The following CNIH4 variants were observed in gnomAD, a reference collection of about 807,000 sequenced individuals.
CNIH4 encodes the protein protein cornichon homolog 4.
A neutral mutation model predicts 21.5 loss-of-function variants in CNIH4; 9 were observed. That is an observed-to-expected ratio of 0.42 (90% CI 0.25 to 0.73). CNIH4 has a LOEUF of 0.73. CNIH4 is among the 30% of genes least tolerant of loss of function. The probability of loss-of-function intolerance (pLI) is 0.27; values close to 1 mark genes in which losing one functional copy is unlikely to be tolerated. For missense variants in CNIH4, 159 were observed against 170.0 expected, an observed-to-expected ratio of 0.94 and a Z score of 0.36; for synonymous variants, 67 against 59.1, an observed-to-expected ratio of 1.13 and a Z score of -0.61.
intron 2 of CNIH4, among the ~76,000 whole-genome samples, chr1:224,361,114 ATT>A (rs34687621): frequency 1.2e-4 from 15 of 128,864 alleles, no homozygotes; most frequent in South Asian, 2.5e-4. Context: ...TGCCTGGCTA[ATT>A]TTTTTTTTTT....
intron 1 of CNIH4, among the ~76,000 whole-genome samples, chr1:224,358,289 G>A (rs1053271116): frequency 6.6e-6 from 1 of 152,246 alleles, no homozygotes; most frequent in Non-Finnish European, 1.5e-5. Context: ...CTAATGTTCA[G>A]TAAATATTGC....
chr1:224,364,477 C>T (rs1166259106), intron 2 of CNIH4: 8 of 686,346 alleles, frequency 1.2e-5, no homozygotes, highest in Non-Finnish European at 1.4e-5. Flanking sequence ...GTGTATTTTA[C>T]AGATGAAAAC....
rs547373468 is a variant in CNIH4 at position 224,378,875 on chromosome 1, C to T, written c.*3053C>T. On this transcript the variant is annotated 3_prime_UTR_variant, in exon 5 of 5. Transcript: ENST00000465271. ...CATCTGAATGCTGAGGCCTAGAGAT[C>T]GTTCAGGGTGTTGTAACTGGGAACA... 3.6e-5 allele frequency: 19 copies of T among 523,856 alleles called. No individual in the cohort carries two copies. Among genetic ancestry groups the T allele is most frequent in the African/African-American group, 1.2e-4 (6 of 50,806 alleles). 32.5% of individuals were successfully genotyped at this position (523,856 alleles called of 1,614,324 possible). A position where few individuals can be genotyped will look rare whatever the true frequency, so the allele number is the denominator to read the frequency against.
At chr1:224,357,930 A>G (rs1219913789) in intron 1 of CNIH4, among the ~76,000 whole-genome samples, 1 of 152,236 alleles carries the variant, frequency 6.6e-6, no homozygotes, top group Non-Finnish European at 1.5e-5. Context: ...AAGTAATTAA[A>G]TATAAGAAAA....
At chr1:224,369,752 T>C (rs924001245) in intron 3 of CNIH4, among the ~76,000 whole-genome samples, 3 of 150,724 alleles carry the variant, frequency 2.0e-5, no homozygotes, top group Non-Finnish European at 4.4e-5. Context: ...TCTTGGCTCA[T>C]TGCAACCTCC....
Position 224,365,917 on chromosome 1 carries a change from T to G in CNIH4, c.177T>G (p.Thr59=). The G allele has an allele frequency of 6.2e-7, 1 of 1,613,062 alleles. No homozygotes were observed. The highest frequency in any genetic ancestry group is 8.5e-7 in the Non-Finnish European group (1 of 1,178,944). Residue 59 remains threonine (T), a synonymous_variant, in exon 3 of 5, where the codon ACT becomes ACG. Transcript: ENST00000465271. ...IPELIGHTIV[T]VLLLMSLHWF... is the part of the protein sequence containing the mutation. ...AATTGATTGGCCATACCATTGTCAC[T>G]GTATTACTGCTCATGTCATTGCACT...
Position 224,379,390 on chromosome 1 carries a change from T to C in CNIH4, c.*3568T>C, listed in dbSNP as rs1033962398. The C allele has an allele frequency of 1.2e-5, 5 of 411,850 alleles. No homozygotes were observed. The highest frequency in any genetic ancestry group is 2.0e-5 in the African/African-American group (1 of 49,468). 25.5% of individuals were successfully genotyped at this position (411,850 alleles called of 1,614,324 possible). ...CATATTTGTATCTTCTTCCTTCTGCTCTTGGCACCTAACACAGTGCCTTGC... is the reference window on the plus strand; with the variant it reads ...CATATTTGTATCTTCTTCCTTCTGCCCTTGGCACCTAACACAGTGCCTTGC... On this transcript the variant is annotated 3_prime_UTR_variant, in exon 5 of 5. Coordinates refer to ENST00000465271, the MANE Select transcript of CNIH4 (RefSeq NM_014184.4).
chr1:224,371,510 C>T (rs1672627888), intron 4 of CNIH4, 87 bp downstream of exon 4: 3 of 1,298,090 alleles, frequency 2.3e-6, no homozygotes, highest in Admixed American at 4.5e-5. Flanking sequence ...TTTGCATTGA[C>T]ATTGTGGAAC....
At chr1:224,356,824 A>T, upstream of CNIH4, 1 of 952,606 alleles carries the variant, frequency 1.0e-6, no homozygotes, top group East Asian at 2.6e-5. Flanking sequence ...CCAGGATTCG[A>T]GGACCACACG....
In CNIH4 at chr1:224,371,333, TA is replaced by T. The variant is rs1237525173; in HGVS notation, c.303del (p.His102ThrfsTer6). The T allele has an allele frequency of 6.2e-7, 1 of 1,614,072 alleles. No individual in the cohort carries two copies. Among genetic ancestry groups the T allele is most frequent in the Non-Finnish European group, 8.5e-7 (1 of 1,179,960 alleles). On this transcript the variant is annotated frameshift_variant, in exon 4 of 5. Coordinates refer to ENST00000465271, the MANE Select transcript of CNIH4 (RefSeq NM_014184.4). LOFTEE classifies it high-confidence loss of function. ...GNMGVFDPTE[I>X]HNRGQLKSHM... Reference sequence around the variant, plus strand: ...ATGGGAGTGTTTGATCCAACAGAAATACACAATCGAGGGCAGCTGAAGTCAC... The same window carrying T: ...ATGGGAGTGTTTGATCCAACAGAAATCACAATCGAGGGCAGCTGAAGTCAC...
chr1:224,362,371 C>A (rs1215220873), intron 2 of CNIH4, among the ~76,000 whole-genome samples: 1 of 77,838 alleles, frequency 1.3e-5, no homozygotes, highest in Non-Finnish European at 2.8e-5. Context: ...CTATATGATT[C>A]TCATTCTCAT....
At chr1:224,368,198 G>A (rs981272025) in intron 3 of CNIH4, among the ~76,000 whole-genome samples, 3 of 152,170 alleles carry the variant, frequency 2.0e-5, no homozygotes, top group African/African-American at 7.2e-5. Context: ...TGGGCGTGGT[G>A]GCATGCGCTT....
chr1:224,371,968 T>C (rs1279863651), intron 4 of CNIH4, among the ~76,000 whole-genome samples: 17 of 152,088 alleles, frequency 1.1e-4, no homozygotes, highest in Admixed American at 1.1e-3. Flanking sequence ...CCTAGTAGTA[T>C]ACAGCTGTGG....
In CNIH4 at chr1:224,377,316, C is replaced by T. The variant is rs1469916628; in HGVS notation, c.*1494C>T. The T allele has an allele frequency of 6.6e-6, 1 of 152,188 alleles. No individual in the cohort carries two copies. The highest frequency in any genetic ancestry group is 1.9e-4 in the East Asian group (1 of 5,194). The allele number at this position is 152,188 out of a possible 1,614,324, so 9.4% of individuals were successfully genotyped here. Reference sequence around the variant, plus strand: ...ACTTTGCTTGCATCTCTTTTTCATACCTTTTCCCTCTGAGGCAGCTTTTGC... The same window carrying T: ...ACTTTGCTTGCATCTCTTTTTCATATCTTTTCCCTCTGAGGCAGCTTTTGC... On this transcript the variant is annotated 3_prime_UTR_variant, in exon 5 of 5. Coordinates refer to ENST00000465271, the MANE Select transcript of CNIH4 (RefSeq NM_014184.4).
At position 224,379,295 on chromosome 1, in the gene CNIH4, T is replaced by C. The variant is rs1370746187; in HGVS notation, c.*3473T>C. On this transcript the variant is annotated 3_prime_UTR_variant, in exon 5 of 5. Coordinates refer to ENST00000465271, the MANE Select transcript of CNIH4 (RefSeq NM_014184.4). Reference sequence around the variant, plus strand: ...ATGGCACTTACCACATTCTATCTGGTATTACAGTTATTTGTATGCAATTAA... The same window carrying C: ...ATGGCACTTACCACATTCTATCTGGCATTACAGTTATTTGTATGCAATTAA... The C allele has an allele frequency of 1.3e-5, 8 of 598,446 alleles. No individual in the cohort carries two copies. The highest frequency in any genetic ancestry group is 2.4e-5 in the Non-Finnish European group (8 of 335,314). 37.1% of individuals were successfully genotyped at this position (598,446 alleles called of 1,614,324 possible).
intron 2 of CNIH4, among the ~76,000 whole-genome samples, chr1:224,365,597 T>C (rs767191474): frequency 2.0e-5 from 3 of 152,214 alleles, no homozygotes; most frequent in Non-Finnish European, 2.9e-5. Context: ...ACTCTTTTTT[T>C]CTCTAGTTCT....
In CNIH4 at chr1:224,376,302, A is replaced by G; in HGVS notation, c.*480A>G. 2 of 985,720 alleles carry G rather than the reference A, an allele frequency of 2.0e-6. No individual in the cohort carries two copies. Among genetic ancestry groups the G allele is most frequent in the Non-Finnish European group, 2.4e-6 (2 of 830,098 alleles). The allele number at this position is 985,720 out of a possible 1,614,324, so 61.1% of individuals were successfully genotyped here. ...TTCATTTAATATGGTTTAAAGATTTATGAGACTGTCAGCTAAAAGTCTTTT... is the reference window on the plus strand; with the variant it reads ...TTCATTTAATATGGTTTAAAGATTTGTGAGACTGTCAGCTAAAAGTCTTTT... On this transcript the variant is annotated 3_prime_UTR_variant, in exon 5 of 5. Transcript: ENST00000465271.
At position 224,365,981 on chromosome 1, in the gene CNIH4, A is replaced by C. The variant is rs1294041278; in HGVS notation, c.241A>C (p.Asn81His). Residue 81 changes from asparagine (N) to histidine (H), a missense_variant, in exon 3 of 5, where the codon AAT becomes CAT. Transcript: ENST00000465271. ...TCTCAACTTACCTGTTGCCACTTGG[A>C]ATATATATCGGTGAGTATAGTTTGT... ...FLLNLPVATWNIYRYIMVPSG... is the reference protein window; with the variant it reads ...FLLNLPVATWHIYRYIMVPSG... 1.9e-6 allele frequency: 3 copies of C among 1,580,206 alleles called. No homozygotes were observed. The highest frequency in any genetic ancestry group is 1.7e-5 in the Admixed American group (1 of 59,938).
At chr1:224,363,076 C>T (rs1349675765) in intron 2 of CNIH4, among the ~76,000 whole-genome samples, 2 of 151,152 alleles carry the variant, frequency 1.3e-5, no homozygotes, top group African/African-American at 4.9e-5. Flanking sequence ...TGGAGTTTTG[C>T]ACTTGTTGTC....
Sources: allele counts gnomAD v4.1 joint callset (sites outside exome capture counted in the v4.1 genomes callset), GRCh38; gene constraint gnomAD v4.1.1; transcripts MANE v1.5; gene names NCBI Gene and HGNC (gene_info 2026-07-23, HGNC 2026-07-21).